Variants in GRID2 observed in about 807,000 individuals in gnomAD.
The protein encoded by GRID2 is glutamate ionotropic receptor delta type subunit 2, also known as glutamate receptor ionotropic, delta-2.
A neutral mutation model predicts 114.8 loss-of-function variants in GRID2; 33 were observed. That is an observed-to-expected ratio of 0.29 (90% CI 0.22 to 0.38). The LOEUF is 0.38. GRID2 is among the 10% of genes least tolerant of loss of function. The pLI is 1.00. For missense variants in GRID2, 1,184 were observed against 1,257.7 expected, an observed-to-expected ratio of 0.94 and a Z score of 0.89; for synonymous variants, 505 against 449.9, an observed-to-expected ratio of 1.12 and a Z score of -1.55.
At chr4:93,485,020 C>T (rs1403164985) in intron 11 of GRID2, among the ~76,000 whole-genome samples, 2 of 151,810 alleles carry the variant, frequency 1.3e-5, no homozygotes, top group African/African-American at 4.8e-5. Context: ...ATTGACTGAA[C>T]CAATTTGCAA....
chr4:92,968,117 C>T (rs545705947), intron 2 of GRID2, among the ~76,000 whole-genome samples: 4 of 151,928 alleles, frequency 2.6e-5, no homozygotes, highest in East Asian at 3.9e-4. Flanking sequence ...TTTGATTTAT[C>T]AACATAGAAG....
At chr4:93,543,738 G>C (rs1224643256) in intron 13 of GRID2, among the ~76,000 whole-genome samples, 3 of 151,272 alleles carry the variant, frequency 2.0e-5, no homozygotes, top group Non-Finnish European at 4.4e-5. Flanking sequence ...GAGAGAGAGA[G>C]AGAGAGAGAA....
At chr4:93,630,825 TG>T (rs1433525166) in intron 14 of GRID2, among the ~76,000 whole-genome samples, 1 of 152,172 alleles carries the variant, frequency 6.6e-6, no homozygotes, top group Admixed American at 6.5e-5. Context: ...GCAATAAAAT[TG>T]GAAAAAATTC....
chr4:92,539,279 CT>C (rs1257105839), intron 1 of GRID2, among the ~76,000 whole-genome samples: 2 of 152,060 alleles, frequency 1.3e-5, no homozygotes, highest in Admixed American at 6.6e-5. Context: ...GTTTAACTAT[CT>C]TAAATTTACA....
At chr4:93,114,569 AG>A (rs1371324496) in intron 4 of GRID2, among the ~76,000 whole-genome samples, 1 of 152,162 alleles carries the variant, frequency 6.6e-6, no homozygotes, top group African/African-American at 2.4e-5. Context: ...TAGGAATGGC[AG>A]ACAGAATGTG....
At chr4:93,656,306 T>C (rs940418684) in intron 14 of GRID2, among the ~76,000 whole-genome samples, 5 of 152,078 alleles carry the variant, frequency 3.3e-5, no homozygotes, top group African/African-American at 1.2e-4. Context: ...ATTTTCAACC[T>C]TAATTGTATT....
intron 1 of GRID2, among the ~76,000 whole-genome samples, chr4:92,541,591 TAC>T (rs1350055459): frequency 5.3e-5 from 8 of 152,108 alleles, no homozygotes; most frequent in African/African-American, 1.7e-4. Flanking sequence ...TGAGGATTAA[TAC>T]ATGGGGATAC....
At chr4:93,095,741 G>A (rs983528485) in intron 3 of GRID2, among the ~76,000 whole-genome samples, 6 of 151,834 alleles carry the variant, frequency 4.0e-5, no homozygotes, top group Admixed American at 6.6e-5. Flanking sequence ...CATTGACCAA[G>A]AGTATTTAAA....
At chr4:93,278,783 A>G (rs1489656794) in intron 8 of GRID2, among the ~76,000 whole-genome samples, 1 of 151,966 alleles carries the variant, frequency 6.6e-6, no homozygotes, top group East Asian at 1.9e-4. Flanking sequence ...TTATTTCATA[A>G]TGACTTTCTG....
chr4:93,512,667 T>C (rs1729313697), intron 12 of GRID2, among the ~76,000 whole-genome samples: 1 of 152,210 alleles, frequency 6.6e-6, no homozygotes, highest in African/African-American at 2.4e-5. Flanking sequence ...AATGCTCTGC[T>C]ATTCTAAACT....
At chr4:93,352,295 A>G (rs1243833679) in intron 8 of GRID2, among the ~76,000 whole-genome samples, 1 of 152,046 alleles carries the variant, frequency 6.6e-6, no homozygotes, top group Non-Finnish European at 1.5e-5. Context: ...AGTTTGAAGA[A>G]CTCTAAAATA....
At chr4:93,718,580 A>AAAACAATAGCTTTT (rs1729100474) in intron 14 of GRID2, among the ~76,000 whole-genome samples, 1 of 152,176 alleles carries the variant, frequency 6.6e-6, no homozygotes, top group African/African-American at 2.4e-5. Flanking sequence ...CAAAGCACCT[A>AAAACAATAGCTTTT]AAACAATAGC....
chr4:92,831,927 A>G (rs1280249106), intron 2 of GRID2, among the ~76,000 whole-genome samples: 1 of 152,096 alleles, frequency 6.6e-6, no homozygotes, highest in Non-Finnish European at 1.5e-5. Flanking sequence ...TAAATAGAAC[A>G]TAACTGCTAC....
chr4:93,381,113 C>T (rs995697062), intron 8 of GRID2, among the ~76,000 whole-genome samples: 4 of 152,020 alleles, frequency 2.6e-5, no homozygotes, highest in Admixed American at 2.6e-4. Flanking sequence ...TTTAAGTGTA[C>T]AGTTCAATGA....
At chr4:92,596,685 A>G (rs1250138363) in intron 2 of GRID2, among the ~76,000 whole-genome samples, 3 of 151,738 alleles carry the variant, frequency 2.0e-5, no homozygotes, top group Non-Finnish European at 1.5e-5. Flanking sequence ...GACAACACCA[A>G]TATGCATTAA....
intron 14 of GRID2, among the ~76,000 whole-genome samples, chr4:93,652,898 G>C (rs530086057): frequency 6.6e-6 from 1 of 151,318 alleles, no homozygotes; most frequent in African/African-American, 2.4e-5. Context: ...AGCCTGGGAA[G>C]ATACACAAAG....
At chr4:92,434,594 A>ACCT (rs1732639890) in intron 1 of GRID2, among the ~76,000 whole-genome samples, 1 of 151,984 alleles carries the variant, frequency 6.6e-6, no homozygotes, top group African/African-American at 2.4e-5. Context: ...AGCTATCCTG[A>ACCT]CCTCCTTTGG....
At chr4:93,320,289 CAGGCAAGA>C (rs1757078395) in intron 8 of GRID2, among the ~76,000 whole-genome samples, 3 of 152,024 alleles carry the variant, frequency 2.0e-5, no homozygotes, top group African/African-American at 7.2e-5. Flanking sequence ...TATAAGAAGA[CAGGCAAGA>C]TTGCATTAGA....
intron 2 of GRID2, among the ~76,000 whole-genome samples, chr4:92,722,911 T>C (rs777429631): frequency 6.6e-6 from 1 of 152,112 alleles, no homozygotes; most frequent in African/African-American, 2.4e-5. Flanking sequence ...TCTCAAACTT[T>C]AGGCTGTATA....
Sources: gnomAD v4.1 joint callset for allele counts (sites outside exome capture counted in the v4.1 genomes callset) on GRCh38, gnomAD v4.1.1 for gene constraint, MANE v1.5 for transcripts, NCBI Gene and HGNC (gene_info 2026-07-23, HGNC 2026-07-21) for gene names.